The following LMF1 variants were observed in gnomAD, a reference collection of about 807,000 sequenced individuals.
LMF1 encodes the protein transmembrane protein 112.
LMF1 carries 68 observed loss-of-function variants against 60.6 expected under a neutral mutation model. The observed-to-expected ratio is 1.12, with a 90% CI of 0.92 to 1.37. The LOEUF is 1.37. Ranked by LOEUF, LMF1 falls within the 40% of genes most tolerant of loss-of-function variation. LMF1 has a pLI of 0.00. For synonymous variants in LMF1, 418 were observed against 324.7 expected, an observed-to-expected ratio of 1.29 and a Z score of -3.09; for missense variants, 948 against 767.2, an observed-to-expected ratio of 1.24 and a Z score of -2.78.
chr16:975,218 C>A (rs1254362770), upstream of LMF1, among the ~76,000 whole-genome samples: 2 of 152,232 alleles, frequency 1.3e-5, no homozygotes, highest in East Asian at 3.9e-4. Flanking sequence ...CTCCATGTGA[C>A]CCTGCAAGCT....
At chr16:946,957 A>G (rs1460450396) in intron 2 of LMF1, among the ~76,000 whole-genome samples, 1 of 152,206 alleles carries the variant, frequency 6.6e-6, no homozygotes, top group Non-Finnish European at 1.5e-5. Context: ...GGCTCTGGAG[A>G]CTAATCCCCG....
At chr16:940,001 A>G (rs2072052557) in intron 2 of LMF1, among the ~76,000 whole-genome samples, 4 of 152,138 alleles carry the variant, frequency 2.6e-5, no homozygotes, top group Admixed American at 1.3e-4. Flanking sequence ...ATGTGATCAC[A>G]GACGTCCTCA....
At chr16:952,837 A>G (rs1409274952) in intron 2 of LMF1, among the ~76,000 whole-genome samples, 120 of 124,756 alleles carry the variant, frequency 9.6e-4, no homozygotes, top group Non-Finnish European at 1.6e-3. Flanking sequence ...CCAGCCTCCT[A>G]CACGTCCACA....
chr16:889,715 G>T (rs1003853186), intron 5 of LMF1, among the ~76,000 whole-genome samples: 1 of 152,184 alleles, frequency 6.6e-6, no homozygotes, highest in African/African-American at 2.4e-5. Context: ...ACGGCTCGGG[G>T]GTTGCAGGCA....
At chr16:891,106 A>G (rs1284798259) in intron 5 of LMF1, among the ~76,000 whole-genome samples, 1 of 152,204 alleles carries the variant, frequency 6.6e-6, no homozygotes, top group Non-Finnish European at 1.5e-5. Flanking sequence ...GGAGGGACCC[A>G]CTGCATCCCA....
At position 897,849 on chromosome 16, in the gene LMF1, G is replaced by C. The variant is rs2070706783; in HGVS notation, c.664-4777C>G. Among the ~76,000 whole-genome samples, 1 of 152,210 alleles carries C rather than the reference G, an allele frequency of 6.6e-6. No homozygotes were observed. The highest frequency in any genetic ancestry group is 1.5e-5 in the Non-Finnish European group (1 of 68,034). On this transcript the variant is annotated intron_variant, in intron 4 of 10. Coordinates refer to ENST00000262301, the MANE Select transcript of LMF1 (RefSeq NM_022773.4). The surrounding 1 kb of genome is among the most constrained non-coding windows in gnomAD (Gnocchi z 4.3). ...TTCCTGTCTTCCTGGGATGGTTTCC[G>C]CACTTTCTTGCCCTCATGCAAGAGA...
chr16:969,611 G>A lies in LMF1; in HGVS notation c.193+1177C>T, dbSNP rs533427693. Among the ~76,000 whole-genome samples the A allele has an allele frequency of 2.0e-5, 3 of 152,356 alleles. 1 individual carries two copies. The South Asian group carries it at 6.2e-4, about 32-fold the overall frequency. On this transcript the variant is annotated intron_variant, in intron 1 of 10. Transcript: ENST00000262301. ...CCTTCCACACGTGAGGGAAGCAGAC[G>A]ATGGAAGGAAAGGGAGACGTCCAAT... is the stretch of plus-strand genomic sequence containing the variant.
At chr16:945,362 C>T (rs2072212969) in intron 2 of LMF1, among the ~76,000 whole-genome samples, 1 of 151,760 alleles carries the variant, frequency 6.6e-6, no homozygotes, top group Admixed American at 6.6e-5. Context: ...TCCATCTCTA[C>T]AAAAAATAAA....
At position 911,209 on chromosome 16, in the gene LMF1, G is replaced by GC; in HGVS notation, c.515-131dup. The GC allele has an allele frequency of 5.7e-6, 6 of 1,049,362 alleles. No homozygotes were observed. In the South Asian group the frequency reaches 8.2e-5, roughly 14 times the overall value. 65.0% of individuals were successfully genotyped at this position (1,049,362 alleles called of 1,614,324 possible). A position where few individuals can be genotyped will look rare whatever the true frequency, so the allele number is the denominator to read the frequency against. On this transcript the variant is annotated intron_variant, in intron 3 of 10. Coordinates refer to ENST00000262301, the MANE Select transcript of LMF1 (RefSeq NM_022773.4). ...CTGATCTTGCTACTGAGAGACACCA[G>GC]CCCGCACGTATTAGTCTCAACATCG... is the stretch of plus-strand genomic sequence containing the variant.
intron 10 of LMF1, among the ~76,000 whole-genome samples, chr16:867,362 A>C (rs2069637894): frequency 6.6e-6 from 1 of 152,190 alleles, no homozygotes; most frequent in South Asian, 2.1e-4. Context: ...GCTTGGCCAG[A>C]AGAGGCTTCC....
At chr16:870,283 C>T (rs1032084634) in intron 8 of LMF1, among the ~76,000 whole-genome samples, 1 of 152,206 alleles carries the variant, frequency 6.6e-6, no homozygotes, top group Admixed American at 6.5e-5. Context: ...AACACCTTCT[C>T]TGCCCGTGAA....
chr16:929,638 A>T (rs2151780082), intron 3 of LMF1, among the ~76,000 whole-genome samples: 1 of 152,394 alleles, frequency 6.6e-6, no homozygotes, highest in Non-Finnish European at 1.5e-5. Context: ...AAGCGGCCAC[A>T]TTCGGGGCTG....
chr16:906,252 T>C (rs1006404567), intron 4 of LMF1, among the ~76,000 whole-genome samples: 5 of 152,198 alleles, frequency 3.3e-5, no homozygotes, highest in African/African-American at 1.2e-4. Context: ...CTTGTGATGG[T>C]TAATACTGAG....
At chr16:971,119 C>T (rs577975871), upstream of LMF1, 130 of 850,350 alleles carry the variant, frequency 1.5e-4, 1 homozygote, top group African/African-American at 2.0e-3. Context: ...GCTCACAGTC[C>T]CGGAGGCACC....
chr16:870,987 C>T, intron 7 of LMF1, 105 bp from the exon 8 acceptor site: 1 of 1,457,162 alleles, frequency 6.9e-7, no homozygotes, highest in Non-Finnish European at 9.1e-7. Flanking sequence ...GTCCTGGGTC[C>T]CGGGGACGGA....
At chr16:949,319 T>G (rs1483092759) in intron 2 of LMF1, among the ~76,000 whole-genome samples, 1 of 114,594 alleles carries the variant, frequency 8.7e-6, no homozygotes, top group African/African-American at 3.2e-5. Context: ...AACGACAGAG[T>G]CAGCCAACGA....
In LMF1 at chr16:918,444, A is replaced by G. The variant is rs2071338815; in HGVS notation, c.515-7365T>C. Among the ~76,000 whole-genome samples, 3 of 152,354 alleles carry G rather than the reference A, an allele frequency of 2.0e-5. No homozygotes were observed. The South Asian group carries it at 6.2e-4, about 32-fold the overall frequency. ...AATGCTTCCCGTCCACGGAAATTAG[A>G]CTTCGCGGCAAAGAGTGTTTAGGAT... On this transcript the variant is annotated intron_variant, in intron 3 of 10. Transcript: ENST00000262301.
chr16:968,054 C>T (rs2072962325), intron 1 of LMF1, among the ~76,000 whole-genome samples: 1 of 152,216 alleles, frequency 6.6e-6, no homozygotes, highest in Non-Finnish European at 1.5e-5. Flanking sequence ...TGCCCGACAC[C>T]CCAGGACGCC....
At chr16:885,742 A>G (rs1306598684) in intron 5 of LMF1, among the ~76,000 whole-genome samples, 1 of 152,208 alleles carries the variant, frequency 6.6e-6, no homozygotes, top group Admixed American at 6.5e-5. Flanking sequence ...AACGGATAGA[A>G]ATGTAAGCAG....
Sources: gnomAD v4.1 joint callset for allele counts (sites outside exome capture counted in the v4.1 genomes callset) on GRCh38, gnomAD v4.1.1 for gene constraint, Gnocchi (gnomAD v3.1) non-coding constraint, MANE v1.5 for transcripts, NCBI Gene and HGNC (gene_info 2026-07-23, HGNC 2026-07-21) for gene names.